Variants in CACNA2D1 observed in about 807,000 individuals in gnomAD.
CACNA2D1 encodes the protein voltage-dependent calcium channel subunit alpha-2/delta-1.
In CACNA2D1, 53 loss-of-function variants were observed where a neutral mutation model predicts 171.5. The observed-to-expected ratio is 0.31, with a 90% CI of 0.25 to 0.39. The LOEUF (loss-of-function observed/expected upper bound fraction) is 0.39. Ranked by LOEUF, CACNA2D1 falls within the 10% of genes least tolerant of loss-of-function variation. The pLI is 1.00. For synonymous variants in CACNA2D1, 442 were observed against 443.1 expected (o/e 1.00, Z 0.03); for missense variants, 903 against 1,299.8 (o/e 0.69, Z 4.69).
At position 82,306,877 on chromosome 7, in the gene CACNA2D1, C is replaced by CA. The variant is rs56102718; in HGVS notation, c.294+28257dup. ...TCTTACTGGTATCTACGAAAAAATACAAAAAAAAAAAAAAAATAGCCTTAA... is the reference window on the plus strand; with the variant it reads ...TCTTACTGGTATCTACGAAAAAATACAAAAAAAAAAAAAAAAATAGCCTTAA... On this transcript the variant is annotated intron_variant, in intron 3 of 38. Transcript: ENST00000356860. Among the ~76,000 whole-genome samples, 318 of 134,274 alleles carry CA rather than the reference C, an allele frequency of 2.4e-3. 3 individuals carry two copies. Among genetic ancestry groups the CA allele is most frequent in the Admixed American group, 4.3e-3 (59 of 13,678 alleles). 88.1% of individuals were successfully genotyped at this position (134,274 alleles called of 152,430 possible).
At chr7:82,079,907 G>C (rs1463478783) in intron 7 of CACNA2D1, among the ~76,000 whole-genome samples, 1 of 151,830 alleles carries the variant, frequency 6.6e-6, no homozygotes, top group Non-Finnish European at 1.5e-5. Context: ...AACTATGTTA[G>C]GTGAGGCTTT....
chr7:82,070,233 C>A (rs963687165), intron 7 of CACNA2D1, among the ~76,000 whole-genome samples: 7 of 152,128 alleles, frequency 4.6e-5, no homozygotes, highest in African/African-American at 1.7e-4. Context: ...TATACCCACA[C>A]AAAGGTGCCA....
At chr7:82,347,368 T>C (rs1441674999) in intron 2 of CACNA2D1, among the ~76,000 whole-genome samples, 1 of 152,188 alleles carries the variant, frequency 6.6e-6, no homozygotes, top group Non-Finnish European at 1.5e-5. Flanking sequence ...TTACTTTAGC[T>C]GTGGTGCCTG....
At chr7:82,146,042 C>A (rs1792998570) in intron 4 of CACNA2D1, among the ~76,000 whole-genome samples, 1 of 151,608 alleles carries the variant, frequency 6.6e-6, no homozygotes. Flanking sequence ...CATTATGGTG[C>A]CTGTAAATTA....
intron 3 of CACNA2D1, among the ~76,000 whole-genome samples, chr7:82,179,598 T>A (rs1035397370): frequency 1.3e-5 from 2 of 152,188 alleles, no homozygotes; most frequent in Non-Finnish European, 2.9e-5. Flanking sequence ...TTGTTTTATG[T>A]CCCATGTGAC....
chr7:82,425,417 T>C (rs958874156), intron 1 of CACNA2D1, among the ~76,000 whole-genome samples: 1 of 152,066 alleles, frequency 6.6e-6, no homozygotes, highest in Non-Finnish European at 1.5e-5. Flanking sequence ...AACTGTTAGA[T>C]AATAAATGTA....
intron 10 of CACNA2D1, among the ~76,000 whole-genome samples, chr7:82,040,922 C>A (rs1204896373): frequency 1.3e-5 from 2 of 152,016 alleles, no homozygotes; most frequent in Non-Finnish European, 2.9e-5. Flanking sequence ...TTGCAGTGAG[C>A]CAAGATCACG....
intron 3 of CACNA2D1, among the ~76,000 whole-genome samples, chr7:82,219,691 A>C (rs1446719609): frequency 6.6e-6 from 1 of 152,140 alleles, no homozygotes; most frequent in African/African-American, 2.4e-5. Context: ...ATAATAGTTA[A>C]AATAACTTTA....
intron 4 of CACNA2D1, among the ~76,000 whole-genome samples, chr7:82,157,470 G>T (rs1031843718): frequency 1.3e-5 from 2 of 152,002 alleles, no homozygotes; most frequent in African/African-American, 4.8e-5. Context: ...TGAGACAGAA[G>T]AAACTTCGAG....
chr7:82,373,267 T>C (rs1473024306), intron 1 of CACNA2D1, among the ~76,000 whole-genome samples: 3 of 152,206 alleles, frequency 2.0e-5, no homozygotes, highest in African/African-American at 7.2e-5. Context: ...CATTTAGTGT[T>C]GGAAAGAATC....
At chr7:82,042,962 G>T (rs1393850436) in intron 10 of CACNA2D1, among the ~76,000 whole-genome samples, 1 of 152,126 alleles carries the variant, frequency 6.6e-6, no homozygotes, top group Non-Finnish European at 1.5e-5. Flanking sequence ...CATGGCCAGA[G>T]AATATGTCCA....
intron 2 of CACNA2D1, among the ~76,000 whole-genome samples, chr7:82,336,517 A>G (rs540628886): frequency 1.3e-5 from 2 of 152,330 alleles, no homozygotes; most frequent in African/African-American, 4.8e-5. Context: ...CTTTGAACTT[A>G]TAAGTTTTCA....
intron 1 of CACNA2D1, among the ~76,000 whole-genome samples, chr7:82,378,257 G>C (rs1002590536): frequency 1.3e-5 from 2 of 152,030 alleles, no homozygotes; most frequent in African/African-American, 4.8e-5. Context: ...TAATTAGCTG[G>C]GCGTGGTGGC....
At chr7:82,096,500 C>A (rs1462551272) in intron 6 of CACNA2D1, among the ~76,000 whole-genome samples, 1 of 151,726 alleles carries the variant, frequency 6.6e-6, no homozygotes, top group African/African-American at 2.4e-5. Context: ...TCAGGAATAT[C>A]CTCTCTGAAG....
intron 1 of CACNA2D1, among the ~76,000 whole-genome samples, chr7:82,406,365 G>A (rs1827043838): frequency 6.6e-6 from 1 of 152,180 alleles, no homozygotes; most frequent in Non-Finnish European, 1.5e-5. Flanking sequence ...ATGTGCATGT[G>A]TCTTTATAGC....
At chr7:81,953,392 T>C (rs1034588678) in intron 38 of CACNA2D1, among the ~76,000 whole-genome samples, 3 of 152,078 alleles carry the variant, frequency 2.0e-5, no homozygotes, top group Admixed American at 6.6e-5. Context: ...TCTTCCCACC[T>C]TCTCCTCTCC....
At chr7:82,029,892 C>CTGAA (rs1282804228) in intron 12 of CACNA2D1, 2 of 151,698 alleles carry the variant, frequency 1.3e-5, no homozygotes, top group African/African-American at 4.8e-5. Flanking sequence ...ATCACCACAA[C>CTGAA]TGAATGTTAA....
chr7:82,092,924 A>G (rs1811391992), intron 6 of CACNA2D1, among the ~76,000 whole-genome samples: 2 of 152,150 alleles, frequency 1.3e-5, no homozygotes, highest in South Asian at 4.1e-4. Context: ...GAGCAGAGAA[A>G]TGAAGCCGGA....
chr7:82,182,402 A>T (rs1273571980), intron 3 of CACNA2D1, among the ~76,000 whole-genome samples: 2 of 152,192 alleles, frequency 1.3e-5, no homozygotes, highest in Non-Finnish European at 2.9e-5. Context: ...AAGTCTACAA[A>T]TATATCAAAG....
Sources: allele counts gnomAD v4.1 joint callset (sites outside exome capture counted in the v4.1 genomes callset), GRCh38; gene constraint gnomAD v4.1.1; transcripts MANE v1.5; gene names NCBI Gene and HGNC (gene_info 2026-07-23, HGNC 2026-07-21).